The following CHM variants were observed in gnomAD, a reference collection of about 807,000 sequenced individuals.
The protein encoded by CHM is CHM Rab escort protein.
In CHM, 10 loss-of-function variants were observed where a neutral mutation model predicts 49.0. The observed-to-expected ratio is 0.20, with a 90% CI of 0.13 to 0.35. CHM has a LOEUF of 0.35. CHM is among the 10% of genes least tolerant of loss of function. The probability of loss-of-function intolerance (pLI) is 1.00; values close to 1 mark genes in which losing one functional copy is unlikely to be tolerated. For synonymous variants in CHM, 184 were observed against 167.5 expected (o/e 1.10, Z -0.76); for missense variants, 455 against 478.4 (o/e 0.95, Z 0.46).
intron 8 of CHM, among the ~76,000 whole-genome samples, chrX:85,952,304 C>T (rs934625199): frequency 6.3e-5 from 7 of 110,664 alleles, no homozygotes; most frequent in Non-Finnish European, 1.3e-4. Flanking sequence ...ACGAAGGTGT[C>T]TAATTCCTTC....
chrX:85,867,661 C>T (rs1414321264), intron 14 of CHM, among the ~76,000 whole-genome samples: 2 of 111,786 alleles, frequency 1.8e-5, no homozygotes, highest in Non-Finnish European at 3.8e-5. Context: ...ACTGGCTCTA[C>T]GATTTAGCAG....
chrX:85,869,328 A>T (rs891668077), intron 14 of CHM, among the ~76,000 whole-genome samples: 1 of 111,149 alleles, frequency 9.0e-6, no homozygotes, highest in African/African-American at 3.3e-5. Context: ...TATAATAATT[A>T]TTATTACTAC....
At chrX:86,036,664 T>C (rs1010381981) in intron 1 of CHM, among the ~76,000 whole-genome samples, 2 of 112,118 alleles carry the variant, frequency 1.8e-5, no homozygotes, top group Non-Finnish European at 3.8e-5. Context: ...GAAATATATT[T>C]TGGGGCTAAA....
chrX:85,962,087 T>G (rs7889510), intron 5 of CHM, among the ~76,000 whole-genome samples: 316 of 112,721 alleles, frequency 2.8e-3, no homozygotes, highest in African/African-American at 9.7e-3. Context: ...TAACCACATT[T>G]ATATCATCAT....
chrX:85,948,857 T>G (rs1375849935), intron 8 of CHM, among the ~76,000 whole-genome samples: 1 of 112,030 alleles, frequency 8.9e-6, no homozygotes, highest in African/African-American at 3.2e-5. Context: ...AATATTTATA[T>G]GGAATTATAA....
chrX:85,988,807 C>G (rs1281708584), intron 2 of CHM, among the ~76,000 whole-genome samples: 1 of 111,534 alleles, frequency 9.0e-6, no homozygotes, highest in Non-Finnish European at 1.9e-5. Flanking sequence ...AGTAAAAGTT[C>G]TCTACAATAA....
chrX:86,037,110 C>CTTTTTT (rs1048558599), intron 1 of CHM, among the ~76,000 whole-genome samples: 2 of 70,771 alleles, frequency 2.8e-5, no homozygotes, highest in African/African-American at 5.2e-5. Flanking sequence ...CTAATTTTTC[C>CTTTTTT]TTTTTTTTTT....
chrX:85,891,214 G>A (rs1290324183), intron 12 of CHM, among the ~76,000 whole-genome samples: 1 of 112,134 alleles, frequency 8.9e-6, no homozygotes, highest in Admixed American at 9.4e-5. Flanking sequence ...GCAGCTTGAC[G>A]ATGCAGTAGA....
intron 2 of CHM, among the ~76,000 whole-genome samples, chrX:85,999,012 C>T (rs1932576291): frequency 9.1e-6 from 1 of 109,383 alleles, no homozygotes; most frequent in East Asian, 2.9e-4. Context: ...AACCAATAAA[C>T]AAAAAACAAC....
intron 8 of CHM, among the ~76,000 whole-genome samples, chrX:85,941,199 C>A (rs188516907): frequency 8.9e-5 from 10 of 111,909 alleles, no homozygotes; most frequent in Non-Finnish European, 1.7e-4. Flanking sequence ...TTTAACTAAA[C>A]CCTTTCTTTC....
intron 8 of CHM, among the ~76,000 whole-genome samples, chrX:85,952,825 G>C (rs993183875): frequency 8.9e-6 from 1 of 112,872 alleles, no homozygotes. Context: ...TCGGCCAGAG[G>C]GGAGCCCACT....
At chrX:86,031,501 A>G (rs1395066422) in intron 1 of CHM, among the ~76,000 whole-genome samples, 1 of 112,417 alleles carries the variant, frequency 8.9e-6, no homozygotes, top group Non-Finnish European at 1.9e-5. Context: ...CAAAGCAAGG[A>G]GGATAAACTT....
intron 9 of CHM, among the ~76,000 whole-genome samples, chrX:85,903,446 C>G (rs767858711): frequency 9.0e-6 from 1 of 110,594 alleles, no homozygotes; most frequent in Non-Finnish European, 1.9e-5. Flanking sequence ...GGTAGCCATA[C>G]CTTTGGTGAC....
rs145900734 is a variant in CHM at position 85,926,042 on chromosome X, G to A, written c.1167-14704C>T. 7.1e-3 allele frequency among the ~76,000 whole-genome samples: 788 copies of A among 110,327 alleles called. 9 individuals are homozygous for A. Among genetic ancestry groups the A allele is most frequent in the African/African-American group, 0.024 (739 of 30,361 alleles). On this transcript the variant is annotated intron_variant, in intron 8 of 14. Coordinates refer to ENST00000357749, the MANE Select transcript of CHM (RefSeq NM_000390.4). ...TAGCATTTTATTTTACTATCTATAA[G>A]CTCTCAGCATCAACAATAAACTGGA...
At chrX:85,869,758 T>C (rs1450012733) in intron 14 of CHM, among the ~76,000 whole-genome samples, 1 of 112,143 alleles carries the variant, frequency 8.9e-6, no homozygotes, top group African/African-American at 3.2e-5. Flanking sequence ...AAGCACAGAA[T>C]AGTTGATTGG....
intron 13 of CHM, among the ~76,000 whole-genome samples, chrX:85,877,582 AAG>A (rs750255607): frequency 9.0e-5 from 10 of 111,647 alleles, no homozygotes; most frequent in African/African-American, 3.2e-4. Context: ...AAATAACTAA[AAG>A]AGTATAACTG....
At chrX:86,021,136 A>G (rs1031831613) in intron 2 of CHM, among the ~76,000 whole-genome samples, 43 of 29,292 alleles carry the variant, frequency 1.5e-3, no homozygotes, top group African/African-American at 4.4e-3. Context: ...GTATATATAT[A>G]TATATATATA....
intron 8 of CHM, among the ~76,000 whole-genome samples, chrX:85,930,177 A>G (rs1192707444): frequency 8.9e-6 from 1 of 112,203 alleles, no homozygotes; most frequent in East Asian, 2.8e-4. Flanking sequence ...ACATGCCTTA[A>G]AGTGTGTCTG....
At chrX:85,872,285 T>C (rs777417567) in intron 14 of CHM, among the ~76,000 whole-genome samples, 65 of 112,369 alleles carry the variant, frequency 5.8e-4, no homozygotes, top group African/African-American at 1.9e-3. Flanking sequence ...GTGCCAGTTC[T>C]ACCCGTGAAA....
Sources: allele counts gnomAD v4.1 joint callset (sites outside exome capture counted in the v4.1 genomes callset), GRCh38; gene constraint gnomAD v4.1.1; transcripts MANE v1.5; gene names NCBI Gene and HGNC (gene_info 2026-07-23, HGNC 2026-07-21).